Variants in TAF4B observed in about 807,000 individuals in gnomAD.
The protein encoded by TAF4B is TATA-box binding protein associated factor 4b, also known as transcription initiation factor TFIID subunit 4B.
TAF4B carries 38 observed loss-of-function variants against 86.4 expected under a neutral mutation model. The observed-to-expected ratio is 0.44, with a 90% CI of 0.34 to 0.58. The LOEUF is 0.58. Among genes scored for constraint, TAF4B ranks in the 20% least tolerant of loss-of-function variants. TAF4B has a pLI of 0.02. For synonymous variants in TAF4B, 388 were observed against 391.2 expected (o/e 0.99, Z 0.10); for missense variants, 988 against 1,027.6 (o/e 0.96, Z 0.53).
At chr18:26,344,908 C>G (rs2057164290) in intron 13 of TAF4B, among the ~76,000 whole-genome samples, 1 of 152,154 alleles carries the variant, frequency 6.6e-6, no homozygotes, top group Non-Finnish European at 1.5e-5. Flanking sequence ...TCTTCCCCAC[C>G]TGGACTGAAT....
intron 5 of TAF4B, among the ~76,000 whole-genome samples, chr18:26,279,198 T>C (rs1281952214): frequency 6.6e-6 from 1 of 152,090 alleles, no homozygotes; most frequent in African/African-American, 2.4e-5. Flanking sequence ...AAATCAGTTT[T>C]CAAAAATCAG....
intron 10 of TAF4B, among the ~76,000 whole-genome samples, chr18:26,316,332 A>T (rs371714297): frequency 2.0e-4 from 31 of 152,274 alleles, no homozygotes; most frequent in East Asian, 1.4e-3. Flanking sequence ...GTACTCAGTA[A>T]ATAAATGTTT....
At chr18:26,364,647 A>G (rs970718885) in intron 14 of TAF4B, among the ~76,000 whole-genome samples, 20 of 151,948 alleles carry the variant, frequency 1.3e-4, no homozygotes, top group Admixed American at 1.2e-3. Context: ...GTTTTTTTTT[A>G]GCACAAAGAT....
At chr18:26,319,297 G>A (rs1338702049) in intron 10 of TAF4B, among the ~76,000 whole-genome samples, 1 of 151,946 alleles carries the variant, frequency 6.6e-6, no homozygotes, top group Non-Finnish European at 1.5e-5. Context: ...TTTGAGACTA[G>A]CCTGGCCAAC....
intron 3 of TAF4B, among the ~76,000 whole-genome samples, chr18:26,274,142 A>G (rs2056354221): frequency 6.6e-6 from 1 of 152,210 alleles, no homozygotes; most frequent in Non-Finnish European, 1.5e-5. Flanking sequence ...CAGTGTGAAT[A>G]TAAGATACCA....
chr18:26,285,210 C>CTTTTTGTTTTTGTTTTTGTTTTTGTTTTT (rs2056496451), intron 6 of TAF4B, among the ~76,000 whole-genome samples: 1 of 42,516 alleles, frequency 2.4e-5, no homozygotes, highest in Non-Finnish European at 4.4e-5. Context: ...TCTTCCTTTC[C>CTTTTTGTTTTTGTTTTTGTTTTTGTTTTT]TTTTTTTTTT....
chr18:26,314,444 G>GA (rs2056881847), intron 9 of TAF4B, among the ~76,000 whole-genome samples: 1 of 141,470 alleles, frequency 7.1e-6, no homozygotes, highest in East Asian at 1.9e-4. Context: ...AAGGAGCCCA[G>GA]ACATCTTTTG....
intron 5 of TAF4B, among the ~76,000 whole-genome samples, chr18:26,277,104 T>A (rs886793162): frequency 6.6e-6 from 1 of 151,304 alleles, no homozygotes; most frequent in African/African-American, 2.4e-5. Flanking sequence ...TTTTTTGAGA[T>A]AGGGTCTTAA....
intron 1 of TAF4B, among the ~76,000 whole-genome samples, chr18:26,229,977 A>G (rs551937447): frequency 7.2e-5 from 11 of 151,838 alleles, no homozygotes; most frequent in Admixed American, 5.9e-4. Flanking sequence ...ATATATATAT[A>G]TACACACACA....
Position 26,286,193 on chromosome 18 carries a change from T to A in TAF4B, c.1284T>A (p.Thr428=). ...TAATGGTTAG[T]GLLQTSKPLV... ...CAACAGGAGGAACAACAGCTGGAAC[T>A]GGTTTGCTTCAGACTTCAAAACCAC... The change falls in exon 7 of 15, where the codon ACT becomes ACA. Residue 428 remains threonine, a synonymous_variant. Transcript: ENST00000269142. The A allele has an allele frequency of 6.2e-7, 1 of 1,614,252 alleles. No homozygotes were observed. The highest frequency in any genetic ancestry group is 1.1e-5 in the South Asian group (1 of 91,082).
At chr18:26,362,204 C>T (rs548613378) in intron 14 of TAF4B, among the ~76,000 whole-genome samples, 1 of 152,228 alleles carries the variant, frequency 6.6e-6, no homozygotes, top group African/African-American at 2.4e-5. Flanking sequence ...TTCTTTAAAC[C>T]CCATACCTCA....
chr18:26,232,395 G>A (rs1408344772), intron 1 of TAF4B, among the ~76,000 whole-genome samples: 2 of 152,180 alleles, frequency 1.3e-5, no homozygotes, highest in Non-Finnish European at 2.9e-5. Flanking sequence ...GGGGTCCTCA[G>A]TAGAAGTTGT....
chr18:26,332,092 C>T (rs963515378), intron 12 of TAF4B, among the ~76,000 whole-genome samples: 10 of 152,140 alleles, frequency 6.6e-5, no homozygotes, highest in Middle Eastern at 3.2e-3. Context: ...CCATTGAGTT[C>T]CCTTCCCCTA....
At chr18:26,253,260 T>A (rs2056032634) in intron 1 of TAF4B, among the ~76,000 whole-genome samples, 1 of 152,214 alleles carries the variant, frequency 6.6e-6, no homozygotes, top group Non-Finnish European at 1.5e-5. Context: ...CTGTTTCTCT[T>A]TTTTTGGGTC....
intron 1 of TAF4B, among the ~76,000 whole-genome samples, chr18:26,239,829 A>G (rs539971057): frequency 3.7e-4 from 56 of 152,312 alleles, no homozygotes; most frequent in African/African-American, 1.3e-3. Flanking sequence ...TCCCAGCACC[A>G]TTTATTAAAT....
At chr18:26,247,286 C>T (rs2144488371) in intron 1 of TAF4B, among the ~76,000 whole-genome samples, 1 of 152,308 alleles carries the variant, frequency 6.6e-6, no homozygotes, top group Non-Finnish European at 1.5e-5. Context: ...TTCTGGGGAA[C>T]ACCATTTATG....
chr18:26,244,365 C>T (rs191790198), intron 1 of TAF4B, among the ~76,000 whole-genome samples: 2 of 152,336 alleles, frequency 1.3e-5, no homozygotes, highest in Admixed American at 1.3e-4. Flanking sequence ...GGGCGTGGGA[C>T]CCTCTGAGCC....
chr18:26,256,227 A>G, intron 1 of TAF4B: 2 of 1,590,088 alleles, frequency 1.3e-6, no homozygotes, highest in Non-Finnish European at 1.7e-6. Flanking sequence ...AGTCTCATGC[A>G]ATCCAGAACA....
At chr18:26,341,132 A>G (rs987992231) in intron 13 of TAF4B, among the ~76,000 whole-genome samples, 3 of 152,170 alleles carry the variant, frequency 2.0e-5, no homozygotes, top group African/African-American at 7.2e-5. Flanking sequence ...GAAGTAAAGT[A>G]TCTTGGATTC....
Sources: gnomAD v4.1 joint callset for allele counts (sites outside exome capture counted in the v4.1 genomes callset) on GRCh38, gnomAD v4.1.1 for gene constraint, MANE v1.5 for transcripts, NCBI Gene and HGNC (gene_info 2026-07-23, HGNC 2026-07-21) for gene names.